Variants in EXOC6B observed in about 807,000 individuals in gnomAD.
EXOC6B encodes the protein exocyst complex component 6B.
Under a neutral mutation model 113.5 loss-of-function variants are expected in EXOC6B, and 54 were observed. The ratio of observed to expected loss-of-function variants is 0.48; its 90% confidence interval spans 0.38 to 0.60. The LOEUF (loss-of-function observed/expected upper bound fraction) is 0.60. EXOC6B is among the 20% of genes least tolerant of loss of function. The pLI, the probability that EXOC6B is intolerant of heterozygous loss-of-function variation, is 0.00. For synonymous variants in EXOC6B, 357 were observed against 339.0 expected (o/e 1.05, Z -0.58); for missense variants, 797 against 977.5 (o/e 0.82, Z 2.46).
intron 6 of EXOC6B, among the ~76,000 whole-genome samples, chr2:72,626,373 G>T (rs922808854): frequency 2.6e-5 from 4 of 151,966 alleles, no homozygotes; most frequent in Admixed American, 1.3e-4. Context: ...TCTAAATTAA[G>T]AAATATTTTA....
intron 5 of EXOC6B, 121 bp downstream of exon 5, chr2:72,730,886 A>C: frequency 2.1e-6 from 1 of 485,864 alleles, no homozygotes; most frequent in Non-Finnish European, 3.3e-6. Flanking sequence ...ATAAATATAC[A>C]AAAGGTTAAG....
chr2:72,529,364 C>T (rs1272477246), intron 8 of EXOC6B, among the ~76,000 whole-genome samples: 1 of 152,108 alleles, frequency 6.6e-6, no homozygotes, highest in Non-Finnish European at 1.5e-5. Context: ...CTGTAATCTA[C>T]TTAACATTTT....
intron 18 of EXOC6B, among the ~76,000 whole-genome samples, chr2:72,436,630 A>G (rs541650106): frequency 6.6e-6 from 1 of 151,766 alleles, no homozygotes; most frequent in South Asian, 2.1e-4. Flanking sequence ...TCTTGTCTTC[A>G]TGCTTTATTT....
chr2:72,610,708 G>C (rs1460373751), intron 6 of EXOC6B, among the ~76,000 whole-genome samples: 1 of 152,104 alleles, frequency 6.6e-6, no homozygotes, highest in Non-Finnish European at 1.5e-5. Context: ...TCCTTACAGA[G>C]GAATGCCAAA....
chr2:72,604,192 C>G (rs1004325787), intron 6 of EXOC6B, among the ~76,000 whole-genome samples: 7 of 152,002 alleles, frequency 4.6e-5, no homozygotes, highest in Non-Finnish European at 1.0e-4. Flanking sequence ...AATACAAAAC[C>G]CAAAGTCGGT....
chr2:72,588,064 C>A (rs1705701982), intron 6 of EXOC6B, among the ~76,000 whole-genome samples: 2 of 152,068 alleles, frequency 1.3e-5, no homozygotes, highest in Admixed American at 1.3e-4. Context: ...AAACTGGAAA[C>A]CTTGTGCATT....
At chr2:72,457,557 T>C (rs1697317802) in intron 18 of EXOC6B, among the ~76,000 whole-genome samples, 2 of 152,082 alleles carry the variant, frequency 1.3e-5, no homozygotes, top group South Asian at 2.1e-4. Context: ...TCTGGGTCTG[T>C]TACTTGAGAC....
At chr2:72,643,313 C>T (rs112370356) in intron 6 of EXOC6B, among the ~76,000 whole-genome samples, 126,268 of 143,692 alleles carry the variant, frequency 0.88, 55,543 homozygotes, top group East Asian at 0.99. Context: ...CACATGCACA[C>T]GTATGTTTAT....
chr2:72,286,744 C>G lies in EXOC6B; in HGVS notation c.2196+48203G>C, dbSNP rs955106327. ...AGGGAGGCTATGCATGTAGAGGGGG[C>G]AAGAAGTACCTAGGATATCTCTGTA... On this transcript the variant is annotated intron_variant, in intron 20 of 21. Transcript: ENST00000272427. 2.2e-4 allele frequency among the ~76,000 whole-genome samples: 33 copies of G among 151,920 alleles called. 1 individual carries two copies. The highest frequency in any genetic ancestry group is 6.5e-4 in the African/African-American group (27 of 41,332).
rs145690879 is a variant in EXOC6B, at chr2:72,404,031, G to T, written c.1981-24161C>A. Among the ~76,000 whole-genome samples, 23 of 152,302 alleles carry T rather than the reference G, an allele frequency of 1.5e-4. No individual in the cohort carries two copies. In the East Asian group the frequency reaches 4.3e-3, roughly 28 times the overall value. ...CACCCTAATACTGCGATTTTCCAAG[G>T]GTCTTAGCAAACGGCACACCAGGAG... On this transcript the variant is annotated intron_variant, in intron 18 of 21. Transcript: ENST00000272427.
At chr2:72,521,616 G>T (rs1489223130) in intron 8 of EXOC6B, among the ~76,000 whole-genome samples, 4 of 152,146 alleles carry the variant, frequency 2.6e-5, no homozygotes, top group Non-Finnish European at 5.9e-5. Context: ...ACTTATTAAT[G>T]GTGTAACTTT....
At chr2:72,295,615 C>T (rs1053177525) in intron 20 of EXOC6B, among the ~76,000 whole-genome samples, 3 of 152,086 alleles carry the variant, frequency 2.0e-5, no homozygotes, top group Non-Finnish European at 4.4e-5. Context: ...TCAAGGAACA[C>T]CACAGTTAGT....
chr2:72,254,572 A>T (rs886504962), intron 20 of EXOC6B, among the ~76,000 whole-genome samples: 13 of 152,226 alleles, frequency 8.5e-5, no homozygotes, highest in African/African-American at 2.9e-4. Context: ...TGCTAACTAC[A>T]ACATAAGTGC....
At chr2:72,666,387 G>T (rs1675391393) in intron 6 of EXOC6B, among the ~76,000 whole-genome samples, 1 of 152,022 alleles carries the variant, frequency 6.6e-6, no homozygotes. Context: ...TCAACCACAT[G>T]CTTGGTCATA....
rs147647109 is a variant in EXOC6B at position 72,529,182 on chromosome 2, T to A, written c.916-14056A>T. 1.5e-3 allele frequency among the ~76,000 whole-genome samples: 228 copies of A among 152,204 alleles called. 1 individual carries two copies. Among genetic ancestry groups the A allele is most frequent in the African/African-American group, 4.8e-3 (201 of 41,544 alleles). On this transcript the variant is annotated intron_variant, in intron 8 of 21. Transcript: ENST00000272427. The stretch of plus-strand genomic sequence containing the variant: ...CCTAAATATAAAGCTAGCTACGGGG[T>A]TTTGGCATGTTTTTTATCCAGCTGA...
chr2:72,569,521 A>G (rs1196157138), intron 7 of EXOC6B, among the ~76,000 whole-genome samples: 3 of 152,116 alleles, frequency 2.0e-5, no homozygotes, highest in African/African-American at 7.2e-5. Flanking sequence ...TTAGAAATCT[A>G]GATTTTTATG....
At chr2:72,716,993 T>C (rs1032384884) in intron 6 of EXOC6B, among the ~76,000 whole-genome samples, 1 of 152,176 alleles carries the variant, frequency 6.6e-6, no homozygotes, top group African/African-American at 2.4e-5. Context: ...TCAAAATACG[T>C]ACCCAGCAAT....
At chr2:72,364,446 G>C (rs1038001597) in intron 19 of EXOC6B, among the ~76,000 whole-genome samples, 2 of 152,056 alleles carry the variant, frequency 1.3e-5, no homozygotes, top group Non-Finnish European at 2.9e-5. Context: ...TCAAATGTTG[G>C]CTTCAATCTG....
chr2:72,315,535 C>A lies in EXOC6B; in HGVS notation c.2196+19412G>T, dbSNP rs187180595. Among the ~76,000 whole-genome samples the A allele has an allele frequency of 1.9e-3, 288 of 152,194 alleles. 2 individuals carry two copies. The highest frequency in any genetic ancestry group is 4.1e-4 in the Non-Finnish European group (28 of 67,990). Reference sequence around the variant, plus strand: ...GCCTGTAGAGGGGCAAAGGCAGAATCATGGAGACCAGTTAAAAAGCTATTG... The same window carrying A: ...GCCTGTAGAGGGGCAAAGGCAGAATAATGGAGACCAGTTAAAAAGCTATTG... On this transcript the variant is annotated intron_variant, in intron 20 of 21. Transcript: ENST00000272427.
Sources: gnomAD v4.1 joint callset for allele counts (sites outside exome capture counted in the v4.1 genomes callset) on GRCh38, gnomAD v4.1.1 for gene constraint, MANE v1.5 for transcripts, NCBI Gene and HGNC (gene_info 2026-07-23, HGNC 2026-07-21) for gene names.